The following XPO5 variants were observed in gnomAD, a reference collection of about 807,000 sequenced individuals.
XPO5 encodes the protein exportin 5, also known as exportin-5.
In XPO5, 46 loss-of-function variants were observed where a neutral mutation model predicts 160.6. The ratio of observed to expected loss-of-function variants is 0.29; its 90% CI spans 0.23 to 0.37. The LOEUF (loss-of-function observed/expected upper bound fraction) is 0.37, where lower values mean the gene tolerates loss of function less well. Ranked by LOEUF, XPO5 falls within the 10% of genes least tolerant of loss-of-function variation. The pLI, the probability that XPO5 is intolerant of heterozygous loss-of-function variation, is 1.00. For missense variants in XPO5, 1,090 were observed against 1,463.9 expected (o/e 0.74, Z 4.17); for synonymous variants, 537 against 519.3 (o/e 1.03, Z -0.46).
chr6:43,548,563 A>G, intron 17 of XPO5, 103 bp from the exon 18 acceptor site: 5 of 1,073,814 alleles, frequency 4.7e-6, no homozygotes, highest in Non-Finnish European at 6.4e-6. Context: ...CAGTCCCAGG[A>G]AAGTCAGGCC....
chr6:43,572,373 G>T, intron 3 of XPO5, 133 bp downstream of exon 3: 1 of 843,204 alleles, frequency 1.2e-6, no homozygotes, highest in Non-Finnish European at 1.9e-6. Context: ...CACTGTGCCT[G>T]GCCTAAATTA....
At chr6:43,541,966 G>A (rs1202472478) in intron 20 of XPO5, among the ~76,000 whole-genome samples, 1 of 152,074 alleles carries the variant, frequency 6.6e-6, no homozygotes, top group Non-Finnish European at 1.5e-5. Context: ...TTTTAGTAGA[G>A]ATGGGGTTTC....
intron 20 of XPO5, among the ~76,000 whole-genome samples, chr6:43,537,287 T>C (rs1444513733): frequency 6.6e-6 from 1 of 152,158 alleles, no homozygotes; most frequent in African/African-American, 2.4e-5. Context: ...TTTCTAACTT[T>C]CATTACTTCT....
rs773216722 is a variant in XPO5, at chr6:43,548,405, A to G, written c.1916T>C (p.Leu639Pro). 6.2e-7 allele frequency: 1 copy of G among 1,610,078 alleles called. No individual in the cohort carries two copies. The highest frequency in any genetic ancestry group is 1.1e-5 in the South Asian group (1 of 90,594). ...GGCACACTTCTCCATTTGTGTCAGGAGTAGCTCATTGGAGAGGAGTTGCTT... is the reference window on the plus strand; with the variant it reads ...GGCACACTTCTCCATTTGTGTCAGGGGTAGCTCATTGGAGAGGAGTTGCTT... ...HVKQLLSNELLLTQMEKCALM... is the reference protein window; with the variant it reads ...HVKQLLSNELPLTQMEKCALM... The change falls in exon 18 of 32, where the codon CTC becomes CCC. Residue 639 changes from leucine (L) to proline (P), a missense_variant. By Grantham distance (98) the Leu-to-Pro change is moderately conservative (BLOSUM62 -3). Coordinates refer to ENST00000265351, the MANE Select transcript of XPO5 (RefSeq NM_020750.3).
In XPO5 at chr6:43,523,805, T is replaced by A; in HGVS notation, c.*63A>T. 6.2e-7 allele frequency: 1 copy of A among 1,613,162 alleles called. No homozygotes were observed. Among genetic ancestry groups the A allele is most frequent in the South Asian group, 1.1e-5 (1 of 90,946 alleles). ...TGGCAGTGCAAGAAGGGCCTAGAGA[T>A]CGGCTACAAAGGGAAAGAAGAGATG... On this transcript the variant is annotated 3_prime_UTR_variant, in exon 32 of 32. Transcript: ENST00000265351.
rs975531507 is a variant in XPO5 at position 43,546,900 on chromosome 6, C to A, written c.2161-148G>T. On this transcript the variant is annotated intron_variant, in intron 19 of 31. Transcript: ENST00000265351. ...CTCTGCTCCCCGGCAATCCCCCATC[C>A]CTTCCTTTAAGGTGAAGTCCAAGAG... 13 of 838,124 alleles carry A rather than the reference C, an allele frequency of 1.6e-5. No individual in the cohort carries two copies. In the African/African-American group the frequency reaches 2.3e-4, roughly 15 times the overall value. The allele number at this position is 838,124 out of a possible 1,614,324, so 51.9% of individuals were successfully genotyped here.
At chr6:43,547,240 G>GA in intron 19 of XPO5, 2 of 373,752 alleles carry the variant, frequency 5.4e-6, no homozygotes, top group South Asian at 2.2e-5. Flanking sequence ...GCAAAGCACT[G>GA]AAAAATCTCA....
At chr6:43,532,758 T>C (rs958182968) in intron 21 of XPO5, among the ~76,000 whole-genome samples, 10 of 152,218 alleles carry the variant, frequency 6.6e-5, no homozygotes, top group Non-Finnish European at 1.3e-4. Context: ...CCCTGCCACT[T>C]TCCTTCACAG....
chr6:43,535,917 G>A (rs1794291753), intron 20 of XPO5, among the ~76,000 whole-genome samples: 1 of 151,950 alleles, frequency 6.6e-6, no homozygotes, highest in Non-Finnish European at 1.5e-5. Flanking sequence ...GAGGCCAGGA[G>A]ATCAAGACCA....
intron 20 of XPO5, among the ~76,000 whole-genome samples, chr6:43,537,581 CAT>C (rs1036257082): frequency 2.0e-5 from 3 of 152,154 alleles, no homozygotes; most frequent in African/African-American, 7.2e-5. Context: ...TACTTACAAA[CAT>C]GTGGAGACTT....
At chr6:43,530,315 T>C (rs1330813086) in intron 23 of XPO5, among the ~76,000 whole-genome samples, 6 of 151,668 alleles carry the variant, frequency 4.0e-5, no homozygotes, top group African/African-American at 7.3e-5. Flanking sequence ...TCACAGCTAG[T>C]TAGGAGGCTG....
chr6:43,540,832 A>G (rs1794653817), intron 20 of XPO5, among the ~76,000 whole-genome samples: 1 of 152,202 alleles, frequency 6.6e-6, no homozygotes, highest in South Asian at 2.1e-4. Context: ...TTTTCAAAGA[A>G]CCAGCTTTAT....
At chr6:43,524,408 G>A in intron 31 of XPO5, 63 bp downstream of exon 31, 1 of 1,539,086 alleles carries the variant, frequency 6.5e-7, no homozygotes, top group South Asian at 1.2e-5. Context: ...GCTGGTTTAT[G>A]GTTTGCCCAT....
intron 11 of XPO5, chr6:43,558,961 A>G (rs146703459): frequency 5.9e-6 from 1 of 169,530 alleles, no homozygotes; most frequent in African/African-American, 2.4e-5. Context: ...AGAACTTTGT[A>G]TGTTTCATTC....
intron 3 of XPO5, among the ~76,000 whole-genome samples, chr6:43,572,280 T>C (rs1358507968): frequency 1.3e-5 from 2 of 152,222 alleles, no homozygotes; most frequent in African/African-American, 4.8e-5. Flanking sequence ...TCTCACTGCA[T>C]TGCCCAAGCT....
intron 15 of XPO5, among the ~76,000 whole-genome samples, chr6:43,550,348 T>C (rs1262448911): frequency 6.6e-6 from 1 of 152,170 alleles, no homozygotes; most frequent in Non-Finnish European, 1.5e-5. Context: ...CAGACAAGAG[T>C]GTAGTCAAGA....
intron 8 of XPO5, among the ~76,000 whole-genome samples, chr6:43,565,242 A>G (rs1029493880): frequency 2.0e-5 from 3 of 152,010 alleles, no homozygotes; most frequent in Non-Finnish European, 4.4e-5. Context: ...TTTCTTATCC[A>G]AAAACACTGT....
intron 12 of XPO5, among the ~76,000 whole-genome samples, chr6:43,557,615 G>T (rs1176733851): frequency 2.0e-5 from 3 of 152,056 alleles, no homozygotes; most frequent in African/African-American, 7.2e-5. Context: ...AGGGAATTGG[G>T]GGATGACTCC....
intron 21 of XPO5, among the ~76,000 whole-genome samples, chr6:43,532,398 TG>T (rs1257204306): frequency 6.6e-6 from 1 of 152,192 alleles, no homozygotes; most frequent in African/African-American, 2.4e-5. Flanking sequence ...AGGTTATAGC[TG>T]ATGACAAAGA....
Sources: allele counts gnomAD v4.1 joint callset (sites outside exome capture counted in the v4.1 genomes callset), GRCh38; gene constraint gnomAD v4.1.1; transcripts MANE v1.5; gene names NCBI Gene and HGNC (gene_info 2026-07-23, HGNC 2026-07-21).